Variants in DBNDD1 observed in about 807,000 individuals in gnomAD.
DBNDD1 encodes dysbindin domain-containing protein 1.
Under a neutral mutation model 17.0 loss-of-function variants are expected in DBNDD1, and 14 were observed. The observed-to-expected ratio is 0.82, with a 90% CI of 0.54 to 1.29. The LOEUF (loss-of-function observed/expected upper bound fraction) is 1.29, where lower values mean the gene tolerates loss of function less well. DBNDD1 is among the 50% of genes most tolerant of loss of function. The probability of loss-of-function intolerance (pLI) is 0.00; values close to 1 mark genes in which losing one functional copy is unlikely to be tolerated. For missense variants in DBNDD1, 221 were observed against 216.2 expected (o/e 1.02, Z -0.14); for synonymous variants, 105 against 102.0 (o/e 1.03, Z -0.18).
intron 1 of DBNDD1, among the ~76,000 whole-genome samples, chr16:90,017,323 G>A (rs949966637): frequency 1.3e-5 from 2 of 152,094 alleles, no homozygotes; most frequent in African/African-American, 4.8e-5. Context: ...GTGAAACCCC[G>A]TCTCTACTAA....
intron 3 of DBNDD1, among the ~76,000 whole-genome samples, chr16:90,008,023 C>T (rs906117694): frequency 5.0e-5 from 4 of 80,774 alleles, no homozygotes; most frequent in Admixed American, 4.0e-4. Context: ...AAACACACCT[C>T]CCAGGACGTC....
intron 1 of DBNDD1, among the ~76,000 whole-genome samples, chr16:90,015,320 T>C (rs550913764): frequency 6.6e-6 from 1 of 152,338 alleles, no homozygotes; most frequent in African/African-American, 2.4e-5. Context: ...ACGATGGATC[T>C]TGGCATGAAG....
rs115692779 is a variant in DBNDD1, at chr16:90,011,010, A to G, written c.32-1580T>C. ...CCCTCAGCTGCTTCCTGGACCCTGCATGGCAGGGGCCTTCTGGGGACACCA... is the reference window on the plus strand; with the variant it reads ...CCCTCAGCTGCTTCCTGGACCCTGCGTGGCAGGGGCCTTCTGGGGACACCA... On this transcript the variant is annotated intron_variant, in intron 1 of 3. Transcript: ENST00000002501. 8.2e-3 allele frequency among the ~76,000 whole-genome samples: 1,245 copies of G among 152,314 alleles called. 18 individuals carry two copies. The highest frequency in any genetic ancestry group is 0.029 in the African/African-American group (1,190 of 41,576).
chr16:90,011,756 C>A, intron 1 of DBNDD1: 1 of 436,480 alleles, frequency 2.3e-6, no homozygotes, highest in Non-Finnish European at 4.6e-6. Context: ...GGCCCACCCC[C>A]AAGCCCAGCA....
chr16:90,010,699 C>A (rs1038075970), intron 1 of DBNDD1, among the ~76,000 whole-genome samples: 2 of 152,176 alleles, frequency 1.3e-5, no homozygotes, highest in Non-Finnish European at 2.9e-5. Context: ...GCTGCTGACC[C>A]AAAGCCGGGG....
intron 1 of DBNDD1, chr16:90,011,760 C>T: frequency 2.3e-6 from 1 of 432,892 alleles, no homozygotes; most frequent in Non-Finnish European, 4.7e-6. Flanking sequence ...CACCCCCAAG[C>T]CCAGCAGGGA....
In DBNDD1 at chr16:90,013,912, G is replaced by A. The variant is rs1254623668; in HGVS notation, c.32-4482C>T. Among the ~76,000 whole-genome samples, 16 of 140,170 alleles carry A rather than the reference G, an allele frequency of 1.1e-4. 1 individual carries two copies. The South Asian group carries it at 1.3e-3, about 11-fold the overall frequency. The allele number at this position is 140,170 out of a possible 152,430, so 92.0% of individuals were successfully genotyped here. ...AGGAGCCTGGAGGTGGGAGGGAGCC[G>A]TGTGATACTGGGTGGGGCGGGGGGG... On this transcript the variant is annotated intron_variant, in intron 1 of 3. Transcript: ENST00000002501.
chr16:90,008,427 A>G (rs2035478152), intron 3 of DBNDD1, among the ~76,000 whole-genome samples: 1 of 44,012 alleles, frequency 2.3e-5, no homozygotes, highest in Non-Finnish European at 3.9e-5. Context: ...CACCACCCAC[A>G]CCTCCCAGGA....
chr16:90,009,388 A>C lies in DBNDD1; in HGVS notation c.74T>G (p.Val25Gly), dbSNP rs1415215996. 1.9e-6 allele frequency: 3 copies of C among 1,612,912 alleles called. No individual in the cohort carries two copies. The highest frequency in any genetic ancestry group is 2.7e-5 in the African/African-American group (2 of 74,928). Residue 25 changes from valine to glycine, a missense_variant, in exon 2 of 4, where the codon GTC becomes GGC. Val to Gly is a moderately radical substitution (Grantham distance 109). Coordinates refer to ENST00000002501, the MANE Select transcript of DBNDD1 (RefSeq NM_001042610.3). ...ATTGTCCCCTGTCCCCTGGGCTGGG[A>C]CGCCCAGCGCAGCCTGCGGCACCTC... is the stretch of plus-strand genomic sequence containing the variant. ...EAEVPQAALG[V>G]PAQGTGDNGH... is the part of the protein sequence containing the mutation.
chr16:90,006,677 G>A (rs2035434432), intron 3 of DBNDD1, 185 bp from the exon 4 acceptor site: 1 of 767,446 alleles, frequency 1.3e-6, no homozygotes, highest in East Asian at 2.7e-5. Context: ...CACCAGAGAG[G>A]TGGATGTTGT....
In DBNDD1 at chr16:90,005,983, C is replaced by T. The variant is rs2035414965; in HGVS notation, c.*352G>A. The stretch of plus-strand genomic sequence containing the variant: ...CAAGGCCGCCGTGGGCCACTCCATT[C>T]CTCAGCACGTTCCTGGCAGTGACTC... On this transcript the variant is annotated 3_prime_UTR_variant, in exon 4 of 4. Transcript: ENST00000002501. The T allele has an allele frequency of 4.4e-6, 1 of 227,142 alleles. No individual in the cohort carries two copies. Among genetic ancestry groups the T allele is most frequent in the Admixed American group, 4.6e-5 (1 of 21,810 alleles). 14.1% of individuals were successfully genotyped at this position (227,142 alleles called of 1,614,324 possible).
chr16:90,006,704 G>A, intron 3 of DBNDD1: 3 of 647,040 alleles, frequency 4.6e-6, no homozygotes, highest in Non-Finnish European at 7.8e-6. Context: ...GGTGGGGCCT[G>A]GGCAGGGTCT....
chr16:90,013,870 T>A (rs1453471997), intron 1 of DBNDD1, among the ~76,000 whole-genome samples: 2 of 137,974 alleles, frequency 1.4e-5, no homozygotes, highest in South Asian at 2.5e-4. Context: ...GGGAGGGTGC[T>A]CTACCAAACT....
At chr16:90,012,771 G>A (rs1471379034) in intron 1 of DBNDD1, among the ~76,000 whole-genome samples, 3 of 148,448 alleles carry the variant, frequency 2.0e-5, no homozygotes, top group Non-Finnish European at 4.5e-5. Context: ...TCTCTCTCAA[G>A]AGACAAGGTC....
chr16:90,006,657 A>T (rs2035433926), intron 3 of DBNDD1, 165 bp from the exon 4 acceptor site: 1 of 884,908 alleles, frequency 1.1e-6, no homozygotes. Flanking sequence ...CCCCCACCAC[A>T]CACTGGCCCC....
Position 90,005,481 on chromosome 16 carries a change from A to C in DBNDD1, c.*854T>G, listed in dbSNP as rs1432839060. ...GGCTCCAAACCTGCCCAGCAAGTTTAAGGGCCGTGGGCAGGCCTTGTAGCC... is the reference window on the plus strand; with the variant it reads ...GGCTCCAAACCTGCCCAGCAAGTTTCAGGGCCGTGGGCAGGCCTTGTAGCC... On this transcript the variant is annotated 3_prime_UTR_variant, in exon 4 of 4. Transcript: ENST00000002501. 1.3e-5 allele frequency: 2 copies of C among 152,220 alleles called. No individual in the cohort carries two copies. Among genetic ancestry groups the C allele is most frequent in the East Asian group, 3.9e-4 (2 of 5,184 alleles). The allele number at this position is 152,220 out of a possible 1,614,324, so 9.4% of individuals were successfully genotyped here.
At chr16:90,011,679 C>T in intron 1 of DBNDD1, 1 of 455,198 alleles carries the variant, frequency 2.2e-6, no homozygotes, top group Non-Finnish European at 4.4e-6. Flanking sequence ...AATCTGGTTT[C>T]CACCTTTCCA....
intron 1 of DBNDD1, among the ~76,000 whole-genome samples, chr16:90,014,272 G>A (rs999440729): frequency 2.0e-5 from 3 of 151,912 alleles, no homozygotes; most frequent in Non-Finnish European, 2.9e-5. Context: ...GATTACAGGC[G>A]TGCGCCACCA....
intron 1 of DBNDD1, among the ~76,000 whole-genome samples, chr16:90,018,288 C>A (rs566213504): frequency 6.6e-6 from 1 of 152,372 alleles, no homozygotes; most frequent in East Asian, 1.9e-4. Context: ...CAAATCAAAA[C>A]CCAAACCCAC....
Sources: allele counts gnomAD v4.1 joint callset (sites outside exome capture counted in the v4.1 genomes callset), GRCh38; gene constraint gnomAD v4.1.1; transcripts MANE v1.5; gene names NCBI Gene and HGNC (gene_info 2026-07-23, HGNC 2026-07-21).